The following HPSE2 variants were observed in gnomAD, a reference collection of about 807,000 sequenced individuals.
HPSE2 encodes inactive heparanase-2.
In HPSE2, 38 loss-of-function variants were observed where a neutral mutation model predicts 60.5. The ratio of observed to expected loss-of-function variants is 0.63; its 90% CI spans 0.48 to 0.82. The LOEUF is 0.82. Among genes scored for constraint, HPSE2 ranks in the 40% least tolerant of loss-of-function variants. The pLI is 0.00. For synonymous variants in HPSE2, 295 were observed against 293.2 expected, an observed-to-expected ratio of 1.01 and a Z score of -0.06; for missense variants, 713 against 740.4, an observed-to-expected ratio of 0.96 and a Z score of 0.43.
chr10:99,232,849 G>T (rs1849706871), intron 1 of HPSE2, among the ~76,000 whole-genome samples: 2 of 152,252 alleles, frequency 1.3e-5, no homozygotes, highest in Non-Finnish European at 2.9e-5. Context: ...GCGCTAAAGC[G>T]CAGTTGCCCG....
chr10:98,881,158 C>A (rs1953011973), intron 3 of HPSE2, among the ~76,000 whole-genome samples: 1 of 152,086 alleles, frequency 6.6e-6, no homozygotes, highest in Admixed American at 6.6e-5. Context: ...CTGCAAGCAG[C>A]TGTGCAGGAA....
At chr10:98,858,550 G>C (rs774719699) in intron 3 of HPSE2, among the ~76,000 whole-genome samples, 36 of 152,148 alleles carry the variant, frequency 2.4e-4, no homozygotes, top group Non-Finnish European at 4.9e-4. Flanking sequence ...AAGGAACAGT[G>C]GGCCTGTATA....
intron 3 of HPSE2, among the ~76,000 whole-genome samples, chr10:99,110,844 G>A (rs1844429576): frequency 6.6e-6 from 1 of 152,018 alleles, no homozygotes; most frequent in Non-Finnish European, 1.5e-5. Flanking sequence ...CTCCTATGTT[G>A]TCATCTATAT....
intron 3 of HPSE2, among the ~76,000 whole-genome samples, chr10:98,975,376 G>C (rs1364739520): frequency 6.6e-6 from 1 of 151,888 alleles, no homozygotes; most frequent in African/African-American, 2.4e-5. Flanking sequence ...TCAAACTCTA[G>C]TTGTATGTTA....
At chr10:98,703,620 G>A (rs1460111010) in intron 5 of HPSE2, among the ~76,000 whole-genome samples, 1 of 152,208 alleles carries the variant, frequency 6.6e-6, no homozygotes, top group Admixed American at 6.5e-5. Flanking sequence ...TTCAACATAT[G>A]CAAGTCAATA....
At chr10:99,127,218 A>G (rs931247904) in intron 3 of HPSE2, among the ~76,000 whole-genome samples, 1 of 152,220 alleles carries the variant, frequency 6.6e-6, no homozygotes, top group African/African-American at 2.4e-5. Context: ...CAGAGAAATG[A>G]GAGAACTAAC....
At chr10:99,136,991 C>T (rs1343564426) in intron 3 of HPSE2, among the ~76,000 whole-genome samples, 1 of 152,042 alleles carries the variant, frequency 6.6e-6, no homozygotes, top group Non-Finnish European at 1.5e-5. Context: ...TTTAGAAAAC[C>T]CCATCTTCTC....
At chr10:99,023,295 G>T (rs1417774198) in intron 3 of HPSE2, among the ~76,000 whole-genome samples, 1 of 152,084 alleles carries the variant, frequency 6.6e-6, no homozygotes, top group Admixed American at 6.5e-5. Flanking sequence ...GGGAAGAACT[G>T]CATCTTGTAG....
intron 3 of HPSE2, among the ~76,000 whole-genome samples, chr10:98,868,073 GAAAGA>G (rs1952636620): frequency 8.8e-6 from 1 of 113,198 alleles, no homozygotes; most frequent in African/African-American, 3.4e-5. Flanking sequence ...AAAAAAGAAA[GAAAGA>G]AAATAAATAA....
the HPSE2 span, among the ~76,000 whole-genome samples, chr10:99,273,295 G>T: frequency 6.6e-6 from 1 of 152,140 alleles, no homozygotes; most frequent in African/African-American, 2.4e-5. Flanking sequence ...AGGGATAAAA[G>T]ACTACACAAT....
chr10:98,767,045 C>T (rs961574862), intron 3 of HPSE2, among the ~76,000 whole-genome samples: 1 of 152,126 alleles, frequency 6.6e-6, no homozygotes, highest in Non-Finnish European at 1.5e-5. Flanking sequence ...ATATATCCGA[C>T]AAAATTCAAC....
intron 3 of HPSE2, among the ~76,000 whole-genome samples, chr10:99,109,876 G>T (rs966806063): frequency 1.3e-5 from 2 of 152,122 alleles, no homozygotes; most frequent in African/African-American, 4.8e-5. Flanking sequence ...GGTTGTGGAG[G>T]TCCCATGAAA....
chr10:98,698,588 A>C (rs1948303087), intron 5 of HPSE2, among the ~76,000 whole-genome samples: 1 of 152,294 alleles, frequency 6.6e-6, no homozygotes, highest in Admixed American at 6.5e-5. Flanking sequence ...GAACTAGAAA[A>C]GCAAGAGCAA....
At chr10:99,257,339 C>T in the HPSE2 span, among the ~76,000 whole-genome samples, 43 of 152,198 alleles carry the variant, frequency 2.8e-4, no homozygotes, top group Non-Finnish European at 6.2e-4. Flanking sequence ...TATTTCTCTT[C>T]TTTCAAAAGC....
chr10:99,310,946 G>T, the HPSE2 span, among the ~76,000 whole-genome samples: 2 of 152,094 alleles, frequency 1.3e-5, no homozygotes, highest in African/African-American at 4.8e-5. Context: ...ACAGAATAAT[G>T]AGATCTTCAG....
intron 2 of HPSE2, among the ~76,000 whole-genome samples, chr10:99,154,032 C>T (rs1367554458): frequency 3.3e-5 from 5 of 151,522 alleles, no homozygotes; most frequent in Middle Eastern, 3.4e-3. Flanking sequence ...TGAAATGAAG[C>T]GAGAAGGGAA....
chr10:98,957,371 C>G (rs1955535668), intron 3 of HPSE2, among the ~76,000 whole-genome samples: 1 of 152,132 alleles, frequency 6.6e-6, no homozygotes, highest in South Asian at 2.1e-4. Flanking sequence ...TCTCAGCTCC[C>G]TCGGCCTTCA....
At chr10:98,778,268 G>C (rs1289510233) in intron 3 of HPSE2, among the ~76,000 whole-genome samples, 1 of 137,270 alleles carries the variant, frequency 7.3e-6, no homozygotes, top group African/African-American at 2.7e-5. Context: ...GAGAGACAGA[G>C]AGAGAGAGAG....
intron 4 of HPSE2, among the ~76,000 whole-genome samples, chr10:98,736,822 TA>T (rs1949369443): frequency 6.6e-6 from 1 of 152,238 alleles, no homozygotes; most frequent in Admixed American, 6.5e-5. Context: ...TGCCAAGCTA[TA>T]AAGTAGTGGC....
Sources: gnomAD v4.1 joint callset for allele counts (sites outside exome capture counted in the v4.1 genomes callset) on GRCh38, gnomAD v4.1.1 for gene constraint, MANE v1.5 for transcripts, NCBI Gene and HGNC (gene_info 2026-07-23, HGNC 2026-07-21) for gene names.